ADGRL3: variants seen among roughly 807,000 people sequenced by gnomAD.
ADGRL3 encodes calcium-independent alpha-latrotoxin receptor 3.
A neutral mutation model predicts 153.5 loss-of-function variants in ADGRL3; 62 were observed. The observed-to-expected ratio is 0.40, with a 90% CI of 0.33 to 0.50. The LOEUF (loss-of-function observed/expected upper bound fraction) is 0.50. Ranked by LOEUF, ADGRL3 falls within the 20% of genes least tolerant of loss-of-function variation. ADGRL3 has a pLI of 0.47. For synonymous variants in ADGRL3, 710 were observed against 672.5 expected, an observed-to-expected ratio of 1.06 and a Z score of -0.86; for missense variants, 1,641 against 1,859.4, an observed-to-expected ratio of 0.88 and a Z score of 2.16.
intron 8 of ADGRL3, among the ~76,000 whole-genome samples, chr4:61,754,999 T>G (rs1338019123): frequency 6.6e-6 from 1 of 152,202 alleles, no homozygotes; most frequent in Admixed American, 6.5e-5. Context: ...TGTGCCACAT[T>G]TTCTTAATCC....
At position 61,259,395 on chromosome 4, in the gene ADGRL3, C is replaced by T. The variant is rs576922070; in HGVS notation, c.-240+57630C>T. ...CCGAGATTGCGCCACTGCACTCCAG[C>T]CTGGGCGACAGAGTGAGACTCTGTC... On this transcript the variant is annotated intron_variant, in intron 1 of 26. Coordinates refer to ENST00000683033, the MANE Select transcript of ADGRL3 (RefSeq NM_001387552.1). Among the ~76,000 whole-genome samples the T allele has an allele frequency of 1.7e-3, 254 of 151,476 alleles. 1 individual carries two copies. The highest frequency in any genetic ancestry group is 6.0e-3 in the African/African-American group (246 of 41,274).
intron 6 of ADGRL3, among the ~76,000 whole-genome samples, chr4:61,686,452 A>G (rs2095445400): frequency 6.6e-6 from 1 of 152,136 alleles, no homozygotes; most frequent in Admixed American, 6.6e-5. Context: ...AAAAAATTAA[A>G]TAATTGGTTT....
At chr4:61,291,422 T>C (rs2094193756) in intron 1 of ADGRL3, among the ~76,000 whole-genome samples, 1 of 151,730 alleles carries the variant, frequency 6.6e-6, no homozygotes, top group African/African-American at 2.4e-5. Flanking sequence ...TGACAAAGTG[T>C]ATGGGAGGAT....
intron 9 of ADGRL3, among the ~76,000 whole-genome samples, chr4:61,881,023 G>A (rs942067543): frequency 6.6e-6 from 1 of 152,090 alleles, no homozygotes; most frequent in Non-Finnish European, 1.5e-5. Flanking sequence ...ATAGCACCTA[G>A]TTGGATCCCC....
chr4:61,537,913 C>T (rs1044656973), intron 4 of ADGRL3, among the ~76,000 whole-genome samples: 6 of 152,120 alleles, frequency 3.9e-5, no homozygotes, highest in African/African-American at 1.2e-4. Context: ...ACCTTCCCAT[C>T]GATCTCATCA....
intron 1 of ADGRL3, among the ~76,000 whole-genome samples, chr4:61,263,506 T>TA (rs997263089): frequency 1.2e-4 from 18 of 151,792 alleles, no homozygotes; most frequent in African/African-American, 4.3e-4. Flanking sequence ...TTTGACTTTT[T>TA]AATGTATAAT....
chr4:61,572,637 C>G (rs2098843839), intron 4 of ADGRL3, among the ~76,000 whole-genome samples: 1 of 151,812 alleles, frequency 6.6e-6, no homozygotes, highest in Non-Finnish European at 1.5e-5. Context: ...TAACCCATGG[C>G]CTCTGTGACT....
chr4:61,491,562 C>A (rs183494255), intron 2 of ADGRL3, among the ~76,000 whole-genome samples: 4 of 151,976 alleles, frequency 2.6e-5, no homozygotes, highest in Admixed American at 1.3e-4. Context: ...ACTGGTTATT[C>A]TTCTTTGTAA....
chr4:61,891,323 G>C (rs575249498), intron 9 of ADGRL3, among the ~76,000 whole-genome samples: 3 of 152,106 alleles, frequency 2.0e-5, no homozygotes, highest in Non-Finnish European at 4.4e-5. Flanking sequence ...CTGCCTTCTT[G>C]TATGAAATTT....
At chr4:61,978,244 A>T (rs190846638) in intron 17 of ADGRL3, among the ~76,000 whole-genome samples, 4 of 152,224 alleles carry the variant, frequency 2.6e-5, no homozygotes, top group African/African-American at 9.6e-5. Flanking sequence ...CCAATTTTGC[A>T]TACATCCATA....
At chr4:61,947,208 T>A in intron 16 of ADGRL3, 86 bp downstream of exon 16, 1 of 1,104,476 alleles carries the variant, frequency 9.1e-7, no homozygotes, top group South Asian at 1.5e-5. Flanking sequence ...TTTCTTTTAA[T>A]GTTTTTTCTA....
intron 1 of ADGRL3, among the ~76,000 whole-genome samples, chr4:61,332,636 T>G (rs1281543892): frequency 6.6e-6 from 1 of 152,158 alleles, no homozygotes; most frequent in Non-Finnish European, 1.5e-5. Context: ...GAAAAACTAG[T>G]GCAATAAAGA....
chr4:61,287,705 G>C (rs1357168614), intron 1 of ADGRL3, among the ~76,000 whole-genome samples: 1 of 151,834 alleles, frequency 6.6e-6, no homozygotes, highest in African/African-American at 2.4e-5. Context: ...GGTCTGACTG[G>C]CTTGATTTGG....
At chr4:61,246,509 T>C (rs78410427) in intron 1 of ADGRL3, among the ~76,000 whole-genome samples, 9,752 of 152,134 alleles carry the variant, frequency 0.064, 320 homozygotes, top group Non-Finnish European at 0.091. Flanking sequence ...GTTTTGGTTT[T>C]ACCATACATT....
intron 5 of ADGRL3, among the ~76,000 whole-genome samples, chr4:61,596,349 A>G (rs895335110): frequency 2.6e-5 from 4 of 152,190 alleles, no homozygotes; most frequent in African/African-American, 9.7e-5. Flanking sequence ...TTCTAATGTT[A>G]TACTAAGACT....
intron 8 of ADGRL3, among the ~76,000 whole-genome samples, chr4:61,754,933 T>C (rs2096804403): frequency 6.6e-6 from 1 of 152,198 alleles, no homozygotes; most frequent in African/African-American, 2.4e-5. Flanking sequence ...TGCATGTCCC[T>C]ACAAAGGACA....
intron 6 of ADGRL3, among the ~76,000 whole-genome samples, chr4:61,701,477 C>T: frequency 7.3e-6 from 1 of 137,524 alleles, no homozygotes. Context: ...CTCTGTTACC[C>T]AGGCTGGAGT....
chr4:61,892,625 T>C lies in ADGRL3; in HGVS notation c.1481-31T>C, dbSNP rs2098596839. ...TTGAGGTCCTCCTGTGAACAAGCAA[T>C]GTAGGTGTTTTCTTTCTAATTTTAT... is the stretch of plus-strand genomic sequence containing the variant. On this transcript the variant is annotated intron_variant, in intron 9 of 26. Transcript: ENST00000683033. The C allele has an allele frequency of 2.6e-6, 4 of 1,542,878 alleles. No individual in the cohort carries two copies. In the East Asian group the frequency reaches 9.0e-5, roughly 35 times the overall value.
chr4:61,434,872 C>T (rs910597294), intron 2 of ADGRL3, among the ~76,000 whole-genome samples: 16 of 152,124 alleles, frequency 1.1e-4, no homozygotes, highest in African/African-American at 3.6e-4. Context: ...TACATCTCAT[C>T]TCTCTCATTT....
Sources: gnomAD v4.1 joint callset for allele counts (sites outside exome capture counted in the v4.1 genomes callset) on GRCh38, gnomAD v4.1.1 for gene constraint, MANE v1.5 for transcripts, NCBI Gene and HGNC (gene_info 2026-07-23, HGNC 2026-07-21) for gene names.